The following ANKRD27 variants were observed in gnomAD, a reference collection of about 807,000 sequenced individuals.
ANKRD27 encodes ankyrin repeat domain-containing protein 27.
ANKRD27 carries 112 observed loss-of-function variants against 129.7 expected under a neutral mutation model. That is an observed-to-expected ratio of 0.86 (90% CI 0.74 to 1.01). The LOEUF is 1.01. Ranked by LOEUF, ANKRD27 falls within the 50% of genes least tolerant of loss-of-function variation. The pLI is 0.00. For missense variants in ANKRD27, 1,258 were observed against 1,300.5 expected (o/e 0.97, Z 0.50); for synonymous variants, 516 against 511.2 (o/e 1.01, Z -0.13).
At position 32,628,120 on chromosome 19, in the gene ANKRD27, G is replaced by A. The variant is rs1246953782; in HGVS notation, c.1383C>T (p.Asp461=). 6.2e-7 allele frequency: 1 copy of A among 1,614,240 alleles called. No homozygotes were observed. The highest frequency in any genetic ancestry group is 1.7e-5 in the Admixed American group (1 of 60,026). ...PSVVTPFSRD[D]RGHTPLHVAA... is the part of the protein sequence containing the mutation. ...CCACATGGAGAGGGGTGTGCCCCCT[G>A]TCGTCTCTGGAGAATGGAGTGACAA... Residue 461 remains aspartate, a synonymous_variant, in exon 15 of 29, where the codon GAC becomes GAT. Coordinates refer to ENST00000306065, the MANE Select transcript of ANKRD27 (RefSeq NM_032139.3).
intron 12 of ANKRD27, among the ~76,000 whole-genome samples, chr19:32,633,993 T>G (rs1358775561): frequency 6.6e-6 from 1 of 152,106 alleles, no homozygotes. Context: ...ATCACACCAC[T>G]GCACTCCACC....
intron 12 of ANKRD27, 50 bp downstream of exon 12, chr19:32,639,306 G>T: frequency 6.2e-7 from 1 of 1,612,010 alleles, no homozygotes; most frequent in Non-Finnish European, 8.5e-7. Context: ...ACCCTATCAA[G>T]GGAACCATGA....
At position 32,643,201 on chromosome 19, in the gene ANKRD27, T is replaced by A; in HGVS notation, c.706-2A>T. ...TGTGATTTTGTTAAAGGCCGCATCC[T>A]AACAACAGATTTTAACGAACCTTCA... On this transcript the variant is annotated splice_acceptor_variant, in intron 8 of 28. Transcript: ENST00000306065. LOFTEE classifies it high-confidence loss of function. 1 of 1,614,130 alleles carries A rather than the reference T, an allele frequency of 6.2e-7. No individual in the cohort carries two copies. Among genetic ancestry groups the A allele is most frequent in the Non-Finnish European group, 8.5e-7 (1 of 1,180,020 alleles).
chr19:32,604,308 C>G lies in ANKRD27; in HGVS notation c.2610G>C (p.Gln870His). The G allele has an allele frequency of 6.2e-7, 1 of 1,613,912 alleles. No homozygotes were observed. The highest frequency in any genetic ancestry group is 8.5e-7 in the Non-Finnish European group (1 of 1,180,014). Reference sequence around the variant, plus strand: ...CCGTGCGCTGCCGCTTGTTCAGCACCTGAACTGACGCTCCGTGGAGCAGAA... The same window carrying G: ...CCGTGCGCTGCCGCTTGTTCAGCACGTGAACTGACGCTCCGTGGAGCAGAA... Reference protein sequence around the residue: ...ELLLLHGASVQVLNKRQRTAV... With the variant: ...ELLLLHGASVHVLNKRQRTAV... Residue 870 changes from glutamine to histidine, a missense_variant, in exon 25 of 29, where the codon CAG becomes CAC. Transcript: ENST00000306065.
rs1292635753 is a variant in ANKRD27, at chr19:32,675,116, C to G, written c.-76G>C. On this transcript the variant is annotated 5_prime_UTR_variant, in exon 1 of 29. Transcript: ENST00000306065. ...ATTCCCAGCCCATCCTGGGCGACGG[C>G]GGCACCTCCCTCGTCCGCTGCTGGG... 7 of 152,408 alleles carry G rather than the reference C, an allele frequency of 4.6e-5. No individual in the cohort carries two copies. The highest frequency in any genetic ancestry group is 1.7e-4 in the African/African-American group (7 of 41,454). 9.4% of individuals were successfully genotyped at this position (152,408 alleles called of 1,614,324 possible).
At position 32,629,527 on chromosome 19, in the gene ANKRD27, T is replaced by G. The variant is rs577708629; in HGVS notation, c.1210-678A>C. Among the ~76,000 whole-genome samples the G allele has an allele frequency of 5.9e-5, 9 of 152,152 alleles. No individual in the cohort carries two copies. In the South Asian group the frequency reaches 1.9e-3, roughly 32 times the overall value. On this transcript the variant is annotated intron_variant, in intron 13 of 28. Transcript: ENST00000306065. ...CTAGCCTGGCCAACATGGTAAAACC[T>G]TGTCTCTACTAAAAATACAAAACTT... is the stretch of plus-strand genomic sequence containing the variant.
chr19:32,641,513 C>T (rs911544126), intron 10 of ANKRD27, among the ~76,000 whole-genome samples: 1 of 152,110 alleles, frequency 6.6e-6, no homozygotes, highest in African/African-American at 2.4e-5. Context: ...ATGTTCCTCC[C>T]ATCCCTGCCA....
At chr19:32,608,339 C>A in intron 22 of ANKRD27, 1 of 289,842 alleles carries the variant, frequency 3.5e-6, no homozygotes, top group East Asian at 9.8e-5. Flanking sequence ...TTCACCAGGG[C>A]TGTAGAGCCT....
Position 32,628,298 on chromosome 19 carries a change from G to A in ANKRD27, c.1338-133C>T, listed in dbSNP as rs75799415. The A allele has an allele frequency of 3.7e-4, 264 of 707,420 alleles. 5 individuals are homozygous for A. The South Asian group carries it at 4.1e-3, about 11-fold the overall frequency. The allele number at this position is 707,420 out of a possible 1,614,324, so 43.8% of individuals were successfully genotyped here. Reference sequence around the variant, plus strand: ...TGCCACCCAAGAGATGTGTGTCTCCGGCACTGTCCCAGTGCTCACCCAGCA... The same window carrying A: ...TGCCACCCAAGAGATGTGTGTCTCCAGCACTGTCCCAGTGCTCACCCAGCA... On this transcript the variant is annotated intron_variant, in intron 14 of 28. Coordinates refer to ENST00000306065, the MANE Select transcript of ANKRD27 (RefSeq NM_032139.3).
At chr19:32,600,787 T>C (rs1203968191) in intron 26 of ANKRD27, among the ~76,000 whole-genome samples, 1 of 152,044 alleles carries the variant, frequency 6.6e-6, no homozygotes, top group Non-Finnish European at 1.5e-5. Flanking sequence ...GGTGAGACAG[T>C]CTCAGGGTTA....
At position 32,615,716 on chromosome 19, in the gene ANKRD27, G is replaced by A. The variant is rs1230872778; in HGVS notation, c.2117C>T (p.Ala706Val). The change falls in exon 22 of 29, where the codon GCG becomes GTG. Residue 706 changes from alanine to valine, a missense_variant. Coordinates refer to ENST00000306065, the MANE Select transcript of ANKRD27 (RefSeq NM_032139.3). Reference protein sequence around the residue: ...LEDAEDTVSAADPEFCHPLCQ... With the variant: ...LEDAEDTVSAVDPEFCHPLCQ... ...CAACGGGTGACAGAATTCGGGGTCC[G>A]CTGCACTGACAGTGTCCTCCGCATC... 20 of 1,614,078 alleles carry A rather than the reference G, an allele frequency of 1.2e-5. No individual in the cohort carries two copies. Among genetic ancestry groups the A allele is most frequent in the East Asian group, 4.5e-5 (2 of 44,900 alleles).
At chr19:32,624,243 T>C (rs1972056177) in intron 17 of ANKRD27, among the ~76,000 whole-genome samples, 2 of 152,050 alleles carry the variant, frequency 1.3e-5, no homozygotes, top group African/African-American at 4.8e-5. Flanking sequence ...GGTATGTGTC[T>C]GCAGTCCCAG....
At chr19:32,620,236 C>T (rs1436982698) in intron 18 of ANKRD27, among the ~76,000 whole-genome samples, 1 of 150,512 alleles carries the variant, frequency 6.6e-6, no homozygotes, top group African/African-American at 2.4e-5. Flanking sequence ...GTGTCCCTGC[C>T]ACACACACAC....
intron 22 of ANKRD27, among the ~76,000 whole-genome samples, chr19:32,611,421 C>T (rs535399393): frequency 9.5e-4 from 145 of 152,232 alleles, no homozygotes; most frequent in African/African-American, 3.4e-3. Context: ...GGTGCACATC[C>T]CCAGTGTACA....
At chr19:32,600,240 A>G in intron 26 of ANKRD27, 190 bp from the exon 27 acceptor site, 1 of 484,058 alleles carries the variant, frequency 2.1e-6, no homozygotes. Context: ...CCAAAAATCT[A>G]AAGCCTAAAA....
chr19:32,626,976 AAT>A (rs1966896092), intron 15 of ANKRD27, 149 bp from the exon 16 acceptor site: 2 of 584,486 alleles, frequency 3.4e-6, no homozygotes, highest in Admixed American at 6.4e-5. Flanking sequence ...AACTACAGCT[AAT>A]ATAAAGTAAG....
At chr19:32,606,151 C>CTT (rs11325326) in intron 23 of ANKRD27, among the ~76,000 whole-genome samples, 197 bp from the exon 24 acceptor site, 2 of 125,532 alleles carry the variant, frequency 1.6e-5, no homozygotes, top group Non-Finnish European at 3.4e-5. Flanking sequence ...GTTTTTCTTT[C>CTT]TTTTTTTTTT....
At chr19:32,674,634 C>A (rs1466768052) in intron 1 of ANKRD27, among the ~76,000 whole-genome samples, 1 of 152,108 alleles carries the variant, frequency 6.6e-6, no homozygotes, top group Admixed American at 6.5e-5. Context: ...CATCACCCCC[C>A]GGAAACCACA....
chr19:32,646,546 G>C lies in ANKRD27; in HGVS notation c.283C>G (p.Leu95Val). The C allele has an allele frequency of 1.2e-6, 2 of 1,614,120 alleles. No homozygotes were observed. Among genetic ancestry groups the C allele is most frequent in the Non-Finnish European group, 1.7e-6 (2 of 1,180,000 alleles). ...TCATTGTAGAAAGTTTCTTCAAAGA[G>C]AATGGGCACTGAGAGAAGACAGGCA... ...GFACLLSVPI[L>V]FEETFYNEKE... Residue 95 changes from leucine to valine, a missense_variant, in exon 4 of 29, where the codon CTC (leucine) becomes GTC (valine). Leu to Val is a conservative substitution (Grantham distance 32). Coordinates refer to ENST00000306065, the MANE Select transcript of ANKRD27 (RefSeq NM_032139.3).
Sources: gnomAD v4.1 joint callset for allele counts (sites outside exome capture counted in the v4.1 genomes callset) on GRCh38, gnomAD v4.1.1 for gene constraint, MANE v1.5 for transcripts, NCBI Gene and HGNC (gene_info 2026-07-23, HGNC 2026-07-21) for gene names.